The following SPG11 variants were observed in gnomAD, a reference collection of about 807,000 sequenced individuals.
The protein encoded by SPG11 is SPG11 vesicle trafficking associated, spatacsin, also known as spatacsin.
In SPG11, 222 loss-of-function variants were observed where a neutral mutation model predicts 274.0. The observed-to-expected ratio is 0.81, with a 90% confidence interval of 0.73 to 0.91. The LOEUF (loss-of-function observed/expected upper bound fraction) is 0.91. Among genes scored for constraint, SPG11 ranks in the 40% least tolerant of loss-of-function variants. The probability of loss-of-function intolerance (pLI) is 0.00; values close to 1 mark genes in which losing one functional copy is unlikely to be tolerated. For synonymous variants in SPG11, 1,144 were observed against 1,039.7 expected (o/e 1.10, Z -1.93); for missense variants, 3,114 against 2,872.7 (o/e 1.08, Z -1.92).
In SPG11 at chr15:44,648,897, C is replaced by T. The variant is rs773146881; in HGVS notation, c.1571G>A (p.Gly524Glu). ...TGCATGTATGGGAATTGAGCACCTTCCCCAGCCATTGAGATGACAAAGAGT... is the reference window on the plus strand; with the variant it reads ...TGCATGTATGGGAATTGAGCACCTTTCCCAGCCATTGAGATGACAAAGAGT... Reference protein sequence around the residue: ...VDTLCHLNGWGRCSIPIHALE... With the variant: ...VDTLCHLNGWERCSIPIHALE... The change falls in exon 7 of 40, where the codon GGA (glycine) becomes GAA (glutamate). Residue 524 changes from glycine (G) to glutamate (E), a missense_variant. Transcript: ENST00000261866. 43 of 1,614,128 alleles carry T rather than the reference C, an allele frequency of 2.7e-5. No homozygotes were observed. The highest frequency in any genetic ancestry group is 3.5e-5 in the Non-Finnish European group (41 of 1,179,974).
rs779087194 is a variant in SPG11 at position 44,621,833 on chromosome 15, A to G, written c.2546T>C (p.Ile849Thr). The change falls in exon 14 of 40, where the codon ATT (isoleucine) becomes ACT (threonine). Residue 849 changes from isoleucine to threonine, a missense_variant. Physicochemically the swap from Ile to Thr is moderately conservative, Grantham distance 89. Coordinates refer to ENST00000261866, the MANE Select transcript of SPG11 (RefSeq NM_025137.4). ...KDEFNKQDHR[I>T]VLNWALWWDQ... is the part of the protein sequence containing the mutation. ...CCACCACAGAGCCCAATTTAACACA[A>G]TTCTATGGTCCTGTTTGTTAAATTC... 4 of 1,613,980 alleles carry G rather than the reference A, an allele frequency of 2.5e-6. No individual in the cohort carries two copies. Among genetic ancestry groups the G allele is most frequent in the East Asian group, 4.5e-5 (2 of 44,856 alleles).
In SPG11 at chr15:44,663,634, T is replaced by C. The variant is rs911119510; in HGVS notation, c.14A>G (p.Glu5Gly). ...GGCGGAAGCAGCACTCGCGACCCCT[T>C]CCTCTGCAGCCATCTTGGCCCGGCG... MAAE[E>G]GVASAASAGG... The change falls in exon 1 of 40, where the codon GAA (glutamate) becomes GGA (glycine). Residue 5 changes from glutamate to glycine, a missense_variant. Coordinates refer to ENST00000261866, the MANE Select transcript of SPG11 (RefSeq NM_025137.4). The C allele has an allele frequency of 5.6e-6, 9 of 1,595,384 alleles. No homozygotes were observed. The highest frequency in any genetic ancestry group is 2.2e-5 in the East Asian group (1 of 44,670).
At chr15:44,627,355 T>C (rs868756475) in intron 10 of SPG11, among the ~76,000 whole-genome samples, 72 of 152,160 alleles carry the variant, frequency 4.7e-4, no homozygotes, top group African/African-American at 1.7e-3. Flanking sequence ...CATTAAGCCA[T>C]GTATAAAATT....
rs1172849528 is a variant in SPG11, at chr15:44,663,489, A to G, written c.159T>C (p.Ala53=). 6 of 1,593,222 alleles carry G rather than the reference A, an allele frequency of 3.8e-6. No homozygotes were observed. The highest frequency in any genetic ancestry group is 5.1e-6 in the Non-Finnish European group (6 of 1,170,712). The change falls in exon 1 of 40, where the codon GCT becomes GCC. Residue 53 remains alanine (A), a synonymous_variant. Transcript: ENST00000261866. ...TGCCCGCAGCCGTCAGGCTCCCCAGAGCCTCCGGCTGTGTGCGCAGCTGCG... is the reference window on the plus strand; with the variant it reads ...TGCCCGCAGCCGTCAGGCTCCCCAGGGCCTCCGGCTGTGTGCGCAGCTGCG... ...SRAQLRTQPE[A]LGSLTAAGSL... is the part of the protein sequence containing the mutation.
intron 8 of SPG11, among the ~76,000 whole-genome samples, chr15:44,633,052 T>A (rs143383103): frequency 6.6e-6 from 1 of 151,824 alleles, no homozygotes; most frequent in African/African-American, 2.4e-5. Flanking sequence ...ACTGCCAAAT[T>A]TCCACAAAGT....
chr15:44,642,364 C>CAAAAAAAAAA (rs36011354), intron 7 of SPG11, among the ~76,000 whole-genome samples: 1 of 44,528 alleles, frequency 2.2e-5, no homozygotes, highest in African/African-American at 6.2e-5. Flanking sequence ...GACTCCATCT[C>CAAAAAAAAAA]AAAAAAAAAA....
intron 7 of SPG11, among the ~76,000 whole-genome samples, chr15:44,641,586 T>TACACACACACACAC (rs147901004): frequency 6.1e-4 from 69 of 112,480 alleles, no homozygotes; most frequent in Admixed American, 2.7e-3. Flanking sequence ...CCAAATATCT[T>TACACACACACACAC]ACACACACAC....
chr15:44,656,908 T>C (rs1283272679), intron 4 of SPG11, among the ~76,000 whole-genome samples, 187 bp downstream of exon 4: 1 of 152,008 alleles, frequency 6.6e-6, no homozygotes, highest in African/African-American at 2.4e-5. Context: ...TGTAAAAATA[T>C]AAAAGGTAGC....
chr15:44,636,724 G>A (rs1432287440), intron 7 of SPG11, among the ~76,000 whole-genome samples: 1 of 151,336 alleles, frequency 6.6e-6, no homozygotes, highest in Non-Finnish European at 1.5e-5. Flanking sequence ...TTAGGAGTTT[G>A]AGACCAGCCT....
chr15:44,646,204 A>C (rs561900345), intron 7 of SPG11, among the ~76,000 whole-genome samples: 19 of 152,192 alleles, frequency 1.2e-4, no homozygotes, highest in Non-Finnish European at 2.4e-4. Flanking sequence ...GGCACTATTG[A>C]CAATGGCAAA....
intron 8 of SPG11, among the ~76,000 whole-genome samples, chr15:44,629,931 C>T (rs1041813370): frequency 3.3e-5 from 5 of 152,188 alleles, no homozygotes; most frequent in Admixed American, 2.0e-4. Context: ...ATTAGCCAGG[C>T]GTGCTGGCAG....
chr15:44,640,283 C>CA (rs1454876003), intron 7 of SPG11, among the ~76,000 whole-genome samples: 8 of 151,804 alleles, frequency 5.3e-5, no homozygotes, highest in Non-Finnish European at 1.0e-4. Context: ...ACACACACAC[C>CA]AAAAATAATG....
intron 28 of SPG11, chr15:44,588,764 CAG>C (rs1330167900): frequency 6.4e-6 from 2 of 314,442 alleles, no homozygotes; most frequent in South Asian, 2.7e-5. Context: ...GCTCTCTACT[CAG>C]GGGATCGGCA....
chr15:44,636,925 C>CAAAAAAAAAAAAAAAAAA lies in SPG11; in HGVS notation c.1603-3306_1603-3289dup, dbSNP rs370928375. On this transcript the variant is annotated intron_variant, in intron 7 of 39. Transcript: ENST00000261866. ...TGGGCAACAGAGCAAGACTCCATCT[C>CAAAAAAAAAAAAAAAAAA]AAAAAAAAAAAAAAAAAAAAAAAAA... Among the ~76,000 whole-genome samples, 18 of 19,436 alleles carry CAAAAAAAAAAAAAAAAAA rather than the reference C, an allele frequency of 9.3e-4. 4 individuals are homozygous for CAAAAAAAAAAAAAAAAAA. The highest frequency in any genetic ancestry group is 2.0e-3 in the East Asian group (1 of 496). The allele number at this position is 19,436 out of a possible 152,430, so 12.8% of individuals were successfully genotyped here.
chr15:44,628,965 A>G, intron 9 of SPG11, 121 bp from the exon 10 acceptor site: 1 of 1,025,034 alleles, frequency 9.8e-7, no homozygotes. Flanking sequence ...TTCAAACAAT[A>G]TGTCTGAGGA....
rs2084780849 is a variant in SPG11 at position 44,651,676 on chromosome 15, G to A, written c.1271C>T (p.Pro424Leu). ...CACAGACACACATTTAAGCTCTATG[G>A]GTTCCTCTTGTTCACTGATGTGCAT... is the stretch of plus-strand genomic sequence containing the variant. ...KIMHISEQEEPIELKCVSVTG... is the reference protein window; with the variant it reads ...KIMHISEQEELIELKCVSVTG... The change falls in exon 6 of 40, where the codon CCC becomes CTC. Residue 424 changes from proline (P) to leucine (L), a missense_variant. By Grantham distance (98) the Pro-to-Leu change is moderately conservative. Transcript: ENST00000261866. The A allele has an allele frequency of 6.2e-7, 1 of 1,614,146 alleles. No individual in the cohort carries two copies. The highest frequency in any genetic ancestry group is 8.5e-7 in the Non-Finnish European group (1 of 1,180,024).
chr15:44,597,049 G>C lies in SPG11; in HGVS notation c.4002-106C>G, dbSNP rs1461453824. 2.0e-5 allele frequency: 20 copies of C among 1,010,124 alleles called. No individual in the cohort carries two copies. In the East Asian group the frequency reaches 5.6e-4, roughly 28 times the overall value. The allele number at this position is 1,010,124 out of a possible 1,614,324, so 62.6% of individuals were successfully genotyped here. ...ATGAGTAAAAATGATATAAATTAAA[G>C]CACAGTGTATTCTCCAACAAATACT... On this transcript the variant is annotated intron_variant, in intron 23 of 39. Coordinates refer to ENST00000261866, the MANE Select transcript of SPG11 (RefSeq NM_025137.4).
chr15:44,659,011 A>C, intron 3 of SPG11, 68 bp downstream of exon 3: 3 of 1,486,844 alleles, frequency 2.0e-6, no homozygotes, highest in Non-Finnish European at 2.8e-6. Context: ...CTAAAGCCTA[A>C]AAAGGCTCAT....
At chr15:44,652,460 G>A (rs1448085729) in intron 4 of SPG11, among the ~76,000 whole-genome samples, 194 bp from the exon 5 acceptor site, 1 of 152,120 alleles carries the variant, frequency 6.6e-6, no homozygotes, top group Non-Finnish European at 1.5e-5. Context: ...TCTATTAAGG[G>A]CAGTTAGCTT....
Sources: gnomAD v4.1 joint callset for allele counts (sites outside exome capture counted in the v4.1 genomes callset) on GRCh38, gnomAD v4.1.1 for gene constraint, MANE v1.5 for transcripts, NCBI Gene and HGNC (gene_info 2026-07-23, HGNC 2026-07-21) for gene names.